SHISA9: variants seen among roughly 807,000 people sequenced by gnomAD.
SHISA9 encodes shisa family member 9, also known as protein shisa-9.
In SHISA9, 13 loss-of-function variants were observed where a neutral mutation model predicts 38.0. That is an observed-to-expected ratio of 0.34 (90% confidence interval 0.22 to 0.54). The LOEUF (loss-of-function observed/expected upper bound fraction) is 0.54, where lower values mean the gene tolerates loss of function less well. Among genes scored for constraint, SHISA9 ranks in the 20% least tolerant of loss-of-function variants. The probability of loss-of-function intolerance (pLI) is 0.91; values close to 1 mark genes in which losing one functional copy is unlikely to be tolerated. For synonymous variants in SHISA9, 275 were observed against 242.0 expected, an observed-to-expected ratio of 1.14 and a Z score of -1.27; for missense variants, 538 against 575.8, an observed-to-expected ratio of 0.93 and a Z score of 0.67.
At chr16:13,170,185 A>G (rs1352887396) in intron 2 of SHISA9, among the ~76,000 whole-genome samples, 1 of 148,748 alleles carries the variant, frequency 6.7e-6, no homozygotes, top group East Asian at 2.0e-4. Flanking sequence ...CCTGGGCAAC[A>G]GAGTGAGACT....
chr16:12,991,881 AAAT>A (rs1246462209), intron 2 of SHISA9, among the ~76,000 whole-genome samples: 3 of 152,154 alleles, frequency 2.0e-5, no homozygotes, highest in Non-Finnish European at 2.9e-5. Context: ...ATTAGAAAAA[AAAT>A]ATATCCTTAG....
the SHISA9 span, among the ~76,000 whole-genome samples, chr16:13,322,720 A>G: frequency 6.6e-6 from 1 of 152,170 alleles, no homozygotes; most frequent in Admixed American, 6.5e-5. Context: ...GGTGGTTGCA[A>G]AGTTGTGTTT....
the SHISA9 span, among the ~76,000 whole-genome samples, chr16:13,434,103 C>T: frequency 6.6e-6 from 1 of 152,132 alleles, no homozygotes; most frequent in Non-Finnish European, 1.5e-5. Context: ...TCCAAGAGTC[C>T]CAAAGCTGAA....
the SHISA9 span, among the ~76,000 whole-genome samples, chr16:13,291,046 C>G: frequency 6.6e-6 from 1 of 152,122 alleles, no homozygotes; most frequent in African/African-American, 2.4e-5. Context: ...AATCTCTAGA[C>G]TAGCCTCTGG....
chr16:13,071,377 A>G (rs143585055), intron 2 of SHISA9, among the ~76,000 whole-genome samples: 1 of 152,234 alleles, frequency 6.6e-6, no homozygotes, highest in African/African-American at 2.4e-5. Flanking sequence ...GGATTATTTG[A>G]TGGAATCCTT....
intron 4 of SHISA9, among the ~76,000 whole-genome samples, chr16:13,220,467 T>C (rs2051212666): frequency 6.6e-6 from 1 of 152,148 alleles, no homozygotes; most frequent in Non-Finnish European, 1.5e-5. Context: ...AATTGATTCA[T>C]GCATTAATCT....
At chr16:13,453,545 A>G in the SHISA9 span, among the ~76,000 whole-genome samples, 1 of 152,186 alleles carries the variant, frequency 6.6e-6, no homozygotes. Context: ...TGACAGACAC[A>G]TGGAACAAAG....
intron 1 of SHISA9, chr16:12,910,308 T>G: frequency 4.4e-6 from 1 of 228,422 alleles, no homozygotes; most frequent in Non-Finnish European, 7.3e-6. Context: ...TCCAAATTCA[T>G]TCATTCATTC....
intron 2 of SHISA9, among the ~76,000 whole-genome samples, chr16:13,165,811 C>T (rs68024431): frequency 0.096 from 14,582 of 152,148 alleles, 780 homozygotes; most frequent in Middle Eastern, 0.15. Flanking sequence ...GGGGGTTTAT[C>T]GAGCACTTAA....
chr16:13,092,534 G>A (rs1047354389), intron 2 of SHISA9, among the ~76,000 whole-genome samples: 6 of 152,166 alleles, frequency 3.9e-5, no homozygotes, highest in South Asian at 4.1e-4. Flanking sequence ...AATTGTGGAC[G>A]CCTCTCTCCC....
chr16:13,278,547 G>A, the SHISA9 span, among the ~76,000 whole-genome samples: 344 of 152,038 alleles, frequency 2.3e-3, 3 homozygotes, highest in Non-Finnish European at 3.0e-3. Context: ...ATCTGGTCCC[G>A]GAGTTTTTTT....
chr16:13,058,070 G>A (rs978249168), intron 2 of SHISA9, among the ~76,000 whole-genome samples: 3 of 152,214 alleles, frequency 2.0e-5, no homozygotes, highest in African/African-American at 7.2e-5. Flanking sequence ...AATGGATGGA[G>A]AGCAGTTTCC....
chr16:13,506,733 C>T, the SHISA9 span, among the ~76,000 whole-genome samples: 1 of 152,052 alleles, frequency 6.6e-6, no homozygotes, highest in Non-Finnish European at 1.5e-5. Flanking sequence ...ATAGGATCTG[C>T]ACACCATCTT....
chr16:13,549,047 A>G, the SHISA9 span, among the ~76,000 whole-genome samples: 1 of 152,226 alleles, frequency 6.6e-6, no homozygotes, highest in Non-Finnish European at 1.5e-5. Flanking sequence ...AAGAGAGAAA[A>G]TTCCTGTTAT....
chr16:13,437,991 A>G, the SHISA9 span, among the ~76,000 whole-genome samples: 1 of 141,054 alleles, frequency 7.1e-6, no homozygotes, highest in East Asian at 2.3e-4. Context: ...TCAGCCTCCC[A>G]AGTAGCTGGG....
chr16:13,216,326 C>T (rs1456308511), intron 4 of SHISA9, among the ~76,000 whole-genome samples: 1 of 152,098 alleles, frequency 6.6e-6, no homozygotes, highest in African/African-American at 2.4e-5. Flanking sequence ...TTCTGATCTG[C>T]AAAATGGAGA....
At chr16:12,985,619 G>A (rs929421939) in intron 2 of SHISA9, among the ~76,000 whole-genome samples, 3 of 152,168 alleles carry the variant, frequency 2.0e-5, no homozygotes, top group African/African-American at 7.2e-5. Flanking sequence ...CAGAAGAGAG[G>A]CCCCATGCTA....
the SHISA9 span, among the ~76,000 whole-genome samples, chr16:13,259,855 G>A: frequency 6.6e-6 from 1 of 152,114 alleles, no homozygotes; most frequent in East Asian, 2.0e-4. Context: ...CTGGGCCTGT[G>A]ATAGAAGAAG....
intron 2 of SHISA9, among the ~76,000 whole-genome samples, chr16:13,076,404 C>T (rs2073582814): frequency 6.6e-6 from 1 of 152,172 alleles, no homozygotes; most frequent in Admixed American, 6.6e-5. Context: ...AGCTTTGAGG[C>T]ACCAGGGTAT....
Sources: gnomAD v4.1 joint callset for allele counts (sites outside exome capture counted in the v4.1 genomes callset) on GRCh38, gnomAD v4.1.1 for gene constraint, MANE v1.5 for transcripts, NCBI Gene and HGNC (gene_info 2026-07-23, HGNC 2026-07-21) for gene names.